The following DNAH8 variants were observed in gnomAD, a reference collection of about 807,000 sequenced individuals.
The protein encoded by DNAH8 is dynein axonemal heavy chain 8, also known as axonemal beta dynein heavy chain 8.
Under a neutral mutation model 562.1 loss-of-function variants are expected in DNAH8, and 382 were observed. That is an observed-to-expected ratio of 0.68 (90% CI 0.63 to 0.74). The LOEUF (loss-of-function observed/expected upper bound fraction) is 0.74. DNAH8 is among the 30% of genes least tolerant of loss of function. The pLI, the probability that DNAH8 is intolerant of heterozygous loss-of-function variation, is 0.00. For missense variants in DNAH8, 5,203 were observed against 5,620.4 expected (o/e 0.93, Z 2.37); for synonymous variants, 1,881 against 1,919.4 (o/e 0.98, Z 0.52).
intron 21 of DNAH8, among the ~76,000 whole-genome samples, chr6:38,801,321 A>G (rs539369114): frequency 3.4e-4 from 52 of 152,230 alleles, no homozygotes; most frequent in African/African-American, 1.2e-3. Flanking sequence ...TTACTATTAT[A>G]TGGTATTGGA....
rs980385936 is a variant in DNAH8 at position 38,990,001 on chromosome 6, C to G, written c.13054-11C>G. The G allele has an allele frequency of 3.9e-6, 6 of 1,532,568 alleles. No individual in the cohort carries two copies. In the African/African-American group the frequency reaches 6.9e-5, roughly 18 times the overall value. 94.9% of individuals were successfully genotyped at this position (1,532,568 alleles called of 1,614,324 possible). ...ATCAATTTTATTTCTTTTGTTTTCTCTCACATACAGGTCTGGTTCAGTGAG... is the reference window on the plus strand; with the variant it reads ...ATCAATTTTATTTCTTTTGTTTTCTGTCACATACAGGTCTGGTTCAGTGAG... On this transcript the variant is annotated splice_polypyrimidine_tract_variant and intron_variant, in intron 87 of 92. Coordinates refer to ENST00000327475, the MANE Select transcript of DNAH8 (RefSeq NM_001206927.2).
rs141551010 is a variant in DNAH8, at chr6:39,005,805, A to G, written c.13215-3009A>G. On this transcript the variant is annotated intron_variant, in intron 88 of 92. Transcript: ENST00000327475. ...TGCTGCTGTTGAGGAATTGACTGCC[A>G]GTGTAATTGTTATTTCTTTCTAGAT... Among the ~76,000 whole-genome samples the G allele has an allele frequency of 8.6e-3, 1,316 of 152,304 alleles. 24 individuals are homozygous for G. The highest frequency in any genetic ancestry group is 0.03 in the African/African-American group (1,258 of 41,560).
At chr6:38,949,393 T>G in intron 80 of DNAH8, 59 bp from the exon 81 acceptor site, 1 of 1,041,860 alleles carries the variant, frequency 9.6e-7, no homozygotes, top group Non-Finnish European at 1.5e-6. Context: ...CAGAATCCTT[T>G]GTAATATATT....
At chr6:38,940,541 G>T (rs1031723428) in intron 79 of DNAH8, among the ~76,000 whole-genome samples, 1 of 152,118 alleles carries the variant, frequency 6.6e-6, no homozygotes. Flanking sequence ...CCTCTCCAAC[G>T]TGCTGTTATA....
In DNAH8 at chr6:38,883,312, A is replaced by G; in HGVS notation, c.8002-10A>G. ...TAACACATTTCAACACTATTATCCT[A>G]TGATTGCAGGCTGTTTTGCTCACAG... On this transcript the variant is annotated splice_polypyrimidine_tract_variant and intron_variant, in intron 54 of 92. Transcript: ENST00000327475. 1 of 1,603,778 alleles carries G rather than the reference A, an allele frequency of 6.2e-7. No individual in the cohort carries two copies. Among genetic ancestry groups the G allele is most frequent in the South Asian group, 1.1e-5 (1 of 88,274 alleles).
At chr6:38,790,015 G>GTTTTT in intron 19 of DNAH8, 132 bp downstream of exon 19, 12 of 550,150 alleles carry the variant, frequency 2.2e-5, no homozygotes, top group Middle Eastern at 4.7e-4. Flanking sequence ...TTATAGCTCT[G>GTTTTT]TTTTTTTTTT....
At chr6:38,846,776 C>G (rs1409695639) in intron 36 of DNAH8, among the ~76,000 whole-genome samples, 2 of 152,154 alleles carry the variant, frequency 1.3e-5, no homozygotes, top group Non-Finnish European at 2.9e-5. Flanking sequence ...GCTGTAGATT[C>G]ACCTGGGCAG....
At chr6:38,851,179 C>T (rs1775711277) in intron 38 of DNAH8, among the ~76,000 whole-genome samples, 1 of 152,058 alleles carries the variant, frequency 6.6e-6, no homozygotes, top group Non-Finnish European at 1.5e-5. Context: ...CCTGGTTTGT[C>T]CAAGTTTATG....
intron 9 of DNAH8, among the ~76,000 whole-genome samples, chr6:38,754,540 G>C (rs936337592): frequency 6.6e-6 from 1 of 152,080 alleles, no homozygotes; most frequent in African/African-American, 2.4e-5. Context: ...TTTCTTGGCT[G>C]TATTTCTTCC....
intron 1 of DNAH8, among the ~76,000 whole-genome samples, chr6:38,720,780 T>C (rs1562536062): frequency 4.6e-5 from 7 of 151,946 alleles, no homozygotes; most frequent in Admixed American, 4.6e-4. Flanking sequence ...AAGAAGGCAA[T>C]ATGTGAACCC....
intron 88 of DNAH8, among the ~76,000 whole-genome samples, chr6:38,992,446 G>A (rs1764859200): frequency 6.6e-6 from 1 of 152,210 alleles, no homozygotes; most frequent in Admixed American, 6.5e-5. Context: ...TTCTTCTAGA[G>A]TGTGAAGGAT....
In DNAH8 at chr6:38,993,899, T is replaced by C. The variant is rs532786058; in HGVS notation, c.13214+3727T>C. Among the ~76,000 whole-genome samples, 10 of 152,358 alleles carry C rather than the reference T, an allele frequency of 6.6e-5. No homozygotes were observed. In the East Asian group the frequency reaches 1.9e-3, roughly 29 times the overall value. On this transcript the variant is annotated intron_variant, in intron 88 of 92. Transcript: ENST00000327475. ...TCTTCCATTAATAACTTTATGCTTG[T>C]GGACTCTCATATTATTAGAGATGTA...
At chr6:38,858,459 A>G (rs1448220383) in intron 42 of DNAH8, among the ~76,000 whole-genome samples, 1 of 152,202 alleles carries the variant, frequency 6.6e-6, no homozygotes, top group East Asian at 1.9e-4. Context: ...GATAGTTTGT[A>G]TTTATTGAAG....
At chr6:38,974,951 T>C (rs1456948329) in intron 85 of DNAH8, among the ~76,000 whole-genome samples, 1 of 152,230 alleles carries the variant, frequency 6.6e-6, no homozygotes, top group East Asian at 1.9e-4. Context: ...CATTTCAAGA[T>C]AGGATTATCA....
intron 21 of DNAH8, among the ~76,000 whole-genome samples, chr6:38,802,940 G>T (rs1357436865): frequency 6.6e-6 from 1 of 152,196 alleles, no homozygotes; most frequent in Non-Finnish European, 1.5e-5. Flanking sequence ...ATGTGTGATT[G>T]AGTCAGGGAT....
At chr6:38,875,478 G>A in intron 52 of DNAH8, 113 bp from the exon 53 acceptor site, 1 of 646,700 alleles carries the variant, frequency 1.5e-6, no homozygotes, top group Non-Finnish European at 2.5e-6. Flanking sequence ...AATAGCTTGA[G>A]ATATATCTAT....
intron 42 of DNAH8, among the ~76,000 whole-genome samples, chr6:38,860,198 C>T (rs577803807): frequency 2.6e-5 from 4 of 152,202 alleles, no homozygotes; most frequent in Admixed American, 6.5e-5. Context: ...CCCTGAATTT[C>T]GGTGGTGGTG....
chr6:38,883,504 A>G (rs1410506023), intron 55 of DNAH8, 48 bp downstream of exon 55: 1 of 1,530,466 alleles, frequency 6.5e-7, no homozygotes, highest in Non-Finnish European at 8.8e-7. Context: ...TACATTTTAA[A>G]TTAGTGGTTA....
intron 88 of DNAH8, among the ~76,000 whole-genome samples, chr6:38,995,764 G>A (rs1026547984): frequency 1.3e-5 from 2 of 152,188 alleles, no homozygotes; most frequent in Non-Finnish European, 2.9e-5. Flanking sequence ...TTACAGAAGT[G>A]TGGACATAAC....
Sources: gnomAD v4.1 joint callset for allele counts (sites outside exome capture counted in the v4.1 genomes callset) on GRCh38, gnomAD v4.1.1 for gene constraint, MANE v1.5 for transcripts, NCBI Gene and HGNC (gene_info 2026-07-23, HGNC 2026-07-21) for gene names.